ENKUR: variants seen among roughly 807,000 people sequenced by gnomAD.
ENKUR encodes the protein enkurin.
ENKUR carries 19 observed loss-of-function variants against 27.6 expected under a neutral mutation model. The observed-to-expected ratio is 0.69, with a 90% CI of 0.48 to 1.01. ENKUR has a LOEUF of 1.01. Among genes scored for constraint, ENKUR ranks in the 50% least tolerant of loss-of-function variants. ENKUR has a pLI of 0.00. For missense variants in ENKUR, 312 were observed against 310.5 expected, an observed-to-expected ratio of 1.00 and a Z score of -0.04; for synonymous variants, 117 against 96.9, an observed-to-expected ratio of 1.21 and a Z score of -1.22.
intron 2 of ENKUR, among the ~76,000 whole-genome samples, chr10:25,046,497 C>T (rs1588683933): frequency 6.6e-6 from 1 of 152,152 alleles, no homozygotes; most frequent in South Asian, 2.1e-4. Context: ...AGAAGCAGCT[C>T]TACAGCCAGA....
upstream of ENKUR, chr10:25,016,180 A>C: frequency 8.5e-7 from 1 of 1,183,156 alleles, no homozygotes; most frequent in Non-Finnish European, 1.0e-6. Flanking sequence ...GGAAACCGTT[A>C]CTAGGCAACG....
chr10:25,015,353 G>A (rs959376097), intron 1 of ENKUR, among the ~76,000 whole-genome samples: 4 of 152,026 alleles, frequency 2.6e-5, no homozygotes, highest in Non-Finnish European at 4.4e-5. Flanking sequence ...TAGATATTTC[G>A]TTTCACTGAT....
At chr10:25,014,566 A>G (rs187295273) in intron 1 of ENKUR, among the ~76,000 whole-genome samples, 3 of 152,326 alleles carry the variant, frequency 2.0e-5, no homozygotes, top group African/African-American at 4.8e-5. Flanking sequence ...TAATTTGCCA[A>G]AGAACAGAAT....
intron 1 of ENKUR, among the ~76,000 whole-genome samples, chr10:25,011,504 T>C (rs1247236623): frequency 1.3e-5 from 2 of 152,138 alleles, no homozygotes; most frequent in East Asian, 1.9e-4. Flanking sequence ...ATTTAATAAA[T>C]GGTGCTGGGA....
chr10:25,050,229 A>C (rs1022223106), intron 2 of ENKUR, among the ~76,000 whole-genome samples: 3 of 152,188 alleles, frequency 2.0e-5, no homozygotes, highest in Non-Finnish European at 4.4e-5. Context: ...TTCAAATTTC[A>C]ACATGAAATT....
Position 24,984,741 on chromosome 10 carries a change from G to A in ENKUR, c.759C>T (p.Ala253=), listed in dbSNP as rs1157907628. The part of the protein sequence containing the change: ...IIEKHKIIYI[A]NNA ...CTTTAAAGATCCATTCTTACTTATT[G>A]GCAATATAAATAATCTTGTGCTTTT... Residue 253 remains alanine (A), a synonymous_variant, in exon 5 of 6, where the codon GCC becomes GCT. Coordinates refer to ENST00000331161, the MANE Select transcript of ENKUR (RefSeq NM_145010.4). The A allele has an allele frequency of 6.2e-7, 1 of 1,605,566 alleles. No individual in the cohort carries two copies. The highest frequency in any genetic ancestry group is 8.5e-7 in the Non-Finnish European group (1 of 1,177,570).
exon 2 of ENKUR, chr10:25,061,184 G>A (rs912877651): frequency 2.3e-5 from 36 of 1,534,646 alleles, no homozygotes; most frequent in Non-Finnish European, 3.5e-6. Flanking sequence ...GAAGTTCATA[G>A]GTGTTGGACA....
At chr10:24,998,541 AT>A (rs912384445) in intron 2 of ENKUR, among the ~76,000 whole-genome samples, 11 of 151,574 alleles carry the variant, frequency 7.3e-5, no homozygotes, top group South Asian at 2.1e-4. Context: ...CACCTAGCTA[AT>A]TTTTTTTATT....
intron 1 of ENKUR, among the ~76,000 whole-genome samples, chr10:25,004,074 T>C (rs541123586): frequency 6.6e-6 from 1 of 152,316 alleles, no homozygotes; most frequent in East Asian, 1.9e-4. Flanking sequence ...TTTTTACATG[T>C]ACACATCCAT....
intron 2 of ENKUR, among the ~76,000 whole-genome samples, chr10:24,998,395 G>C (rs1850114289): frequency 3.4e-5 from 4 of 117,470 alleles, no homozygotes; most frequent in Non-Finnish European, 6.5e-5. Context: ...CTTTTTTTGA[G>C]ATGGGGTCTC....
intron 2 of ENKUR, chr10:25,024,033 G>A: frequency 6.2e-7 from 1 of 1,614,220 alleles, no homozygotes; most frequent in Non-Finnish European, 8.5e-7. Flanking sequence ...TTCCTGCAAA[G>A]GAGTTTCCAA....
intron 2 of ENKUR, among the ~76,000 whole-genome samples, chr10:25,038,445 C>T (rs1319607345): frequency 2.0e-5 from 3 of 152,186 alleles, no homozygotes; most frequent in Non-Finnish European, 4.4e-5. Flanking sequence ...TACAATTTAA[C>T]TTCATTATAG....
At chr10:25,012,799 T>C (rs1850480521) in intron 1 of ENKUR, among the ~76,000 whole-genome samples, 1 of 152,180 alleles carries the variant, frequency 6.6e-6, no homozygotes, top group South Asian at 2.1e-4. Context: ...AATGCTGAAA[T>C]GAGTTAAGAC....
intron 2 of ENKUR, among the ~76,000 whole-genome samples, chr10:25,038,133 T>C (rs10508686): frequency 0.27 from 40,351 of 152,142 alleles, 6,342 homozygotes; most frequent in East Asian, 0.5. Flanking sequence ...TCAATATCTA[T>C]TCTCAATTGT....
intron 1 of ENKUR, among the ~76,000 whole-genome samples, chr10:25,011,192 C>T (rs1018593321): frequency 2.6e-5 from 4 of 152,116 alleles, no homozygotes; most frequent in African/African-American, 9.7e-5. Flanking sequence ...TCTCTGATGG[C>T]CAGTGATGAT....
At chr10:25,043,532 A>G (rs1352982) in intron 2 of ENKUR, among the ~76,000 whole-genome samples, 71,906 of 151,774 alleles carry the variant, frequency 0.47, 18,492 homozygotes, top group African/African-American at 0.69. Context: ...CTTTGTCTTT[A>G]CTTTTTAGAA....
chr10:24,986,618 T>C (rs930527880), intron 4 of ENKUR, among the ~76,000 whole-genome samples: 1 of 152,176 alleles, frequency 6.6e-6, no homozygotes, highest in African/African-American at 2.4e-5. Context: ...TCATAGCTAG[T>C]TGGGTGATGT....
chr10:24,988,668 A>G (rs867840833), intron 4 of ENKUR, among the ~76,000 whole-genome samples: 112 of 550 alleles, frequency 0.2, 1 homozygote, highest in Admixed American at 0.27. Context: ...GCATATGTAT[A>G]TATATATATA....
chr10:24,999,655 T>C (rs1850145098), intron 1 of ENKUR, 109 bp from the exon 2 acceptor site: 1 of 1,013,738 alleles, frequency 9.9e-7, no homozygotes, highest in Non-Finnish European at 1.4e-6. Flanking sequence ...TCTATATTCG[T>C]ATGGAAAAGC....
Sources: allele counts gnomAD v4.1 joint callset (sites outside exome capture counted in the v4.1 genomes callset), GRCh38; gene constraint gnomAD v4.1.1; transcripts MANE v1.5; gene names NCBI Gene and HGNC (gene_info 2026-07-23, HGNC 2026-07-21).